Variants in PACRGL observed in about 807,000 individuals in gnomAD.
PACRGL encodes PACRG-like protein.
Under a neutral mutation model 34.5 loss-of-function variants are expected in PACRGL, and 38 were observed. The ratio of observed to expected loss-of-function variants is 1.10; its 90% CI spans 0.85 to 1.44. The LOEUF (loss-of-function observed/expected upper bound fraction) is 1.44. Ranked by LOEUF, PACRGL falls within the 40% of genes most tolerant of loss-of-function variation. The pLI, the probability that PACRGL is intolerant of heterozygous loss-of-function variation, is 0.00. For synonymous variants in PACRGL, 128 were observed against 100.1 expected, an observed-to-expected ratio of 1.28 and a Z score of -1.66; for missense variants, 305 against 281.4, an observed-to-expected ratio of 1.08 and a Z score of -0.60.
At chr4:20,704,279 T>C (rs773908619) in intron 1 of PACRGL, among the ~76,000 whole-genome samples, 187 bp from the exon 2 acceptor site, 17 of 152,314 alleles carry the variant, frequency 1.1e-4, no homozygotes, top group Non-Finnish European at 1.5e-4. Flanking sequence ...TTTGCTGTTA[T>C]TGATACTATT....
At chr4:20,749,924 A>G (rs1185160277) in intron 8 of PACRGL, among the ~76,000 whole-genome samples, 1 of 152,206 alleles carries the variant, frequency 6.6e-6, no homozygotes, top group Non-Finnish European at 1.5e-5. Context: ...AGCAACCTAC[A>G]TAGAGGCCAT....
At chr4:20,697,223 T>G (rs553640275), upstream of PACRGL, among the ~76,000 whole-genome samples, 37 of 152,192 alleles carry the variant, frequency 2.4e-4, no homozygotes, top group Non-Finnish European at 5.0e-4. Context: ...TTGTACAAAT[T>G]TCTTGTATCA....
chr4:20,702,522 G>T, intron 1 of PACRGL: 1 of 175,330 alleles, frequency 5.7e-6, no homozygotes, highest in Middle Eastern at 2.9e-3. Flanking sequence ...GGCCCTTACT[G>T]CATGCCTCCC....
the PACRGL span, among the ~76,000 whole-genome samples, chr4:20,758,431 G>A: frequency 2.0e-5 from 3 of 152,074 alleles, no homozygotes; most frequent in Non-Finnish European, 4.4e-5. Context: ...CCAATCCCCA[G>A]ATTTCATATC....
intron 3 of PACRGL, among the ~76,000 whole-genome samples, chr4:20,707,360 C>T (rs1236700203): frequency 6.6e-6 from 1 of 152,172 alleles, no homozygotes; most frequent in Non-Finnish European, 1.5e-5. Context: ...CTCCCTCCTG[C>T]CCAGCGCAAT....
intron 7 of PACRGL, among the ~76,000 whole-genome samples, chr4:20,719,274 A>C (rs1265053147): frequency 1.3e-5 from 2 of 152,172 alleles, no homozygotes; most frequent in African/African-American, 2.4e-5. Context: ...TTTTCAAAAA[A>C]ACCAGCTCCT....
At chr4:20,714,245 T>C (rs1452038801) in intron 7 of PACRGL, among the ~76,000 whole-genome samples, 8 of 152,232 alleles carry the variant, frequency 5.3e-5, no homozygotes, top group Non-Finnish European at 8.8e-5. Flanking sequence ...CCCTCTACCA[T>C]TATGTAATGG....
At chr4:20,752,287 G>A (rs1753796972) in intron 8 of PACRGL, among the ~76,000 whole-genome samples, 1 of 152,034 alleles carries the variant, frequency 6.6e-6, no homozygotes, top group South Asian at 2.1e-4. Context: ...TCGAACTCCT[G>A]ACAGCAGGTG....
downstream of PACRGL, chr4:20,732,908 G>C: frequency 1.6e-6 from 1 of 612,516 alleles, no homozygotes; most frequent in Non-Finnish European, 2.8e-6. Context: ...TGGATTCTTT[G>C]TTAGACGACT....
At chr4:20,736,953 CAG>C (rs1336977050), downstream of PACRGL, among the ~76,000 whole-genome samples, 3 of 152,146 alleles carry the variant, frequency 2.0e-5, no homozygotes, top group African/African-American at 7.2e-5. Context: ...GGCATAAAGA[CAG>C]ATATATAGAA....
downstream of PACRGL, among the ~76,000 whole-genome samples, chr4:20,737,025 T>A (rs1280793513): frequency 6.6e-6 from 1 of 152,238 alleles, no homozygotes; most frequent in Non-Finnish European, 1.5e-5. Flanking sequence ...TGATTTTCGA[T>A]AATGGTGCCA....
At chr4:20,739,158 C>A (rs970048298) in intron 8 of PACRGL, among the ~76,000 whole-genome samples, 1 of 152,196 alleles carries the variant, frequency 6.6e-6, no homozygotes, top group African/African-American at 2.4e-5. Context: ...CCTCTGGGGG[C>A]AGGTCATAGC....
At chr4:20,702,628 T>G (rs993293584) in intron 1 of PACRGL, 1 of 124,904 alleles carries the variant, frequency 8.0e-6, no homozygotes, top group Non-Finnish European at 1.7e-5. Flanking sequence ...TTGAGGAAAC[T>G]GATGCATTTT....
At chr4:20,758,362 T>C in the PACRGL span, among the ~76,000 whole-genome samples, 1 of 152,088 alleles carries the variant, frequency 6.6e-6, no homozygotes, top group Non-Finnish European at 1.5e-5. Flanking sequence ...AAAATCTAGG[T>C]TATAACCCAG....
At chr4:20,766,082 A>T in the PACRGL span, among the ~76,000 whole-genome samples, 1 of 152,196 alleles carries the variant, frequency 6.6e-6, no homozygotes, top group East Asian at 1.9e-4. Flanking sequence ...GCTAATACAC[A>T]TGAGCACTTT....
intron 8 of PACRGL, among the ~76,000 whole-genome samples, chr4:20,745,793 A>G (rs1002692107): frequency 5.9e-5 from 9 of 152,142 alleles, no homozygotes; most frequent in African/African-American, 1.2e-4. Context: ...GCTGGGGACA[A>G]TCCTCCTGAC....
chr4:20,745,862 A>AGTTT (rs1752310954), intron 8 of PACRGL, among the ~76,000 whole-genome samples: 1 of 152,122 alleles, frequency 6.6e-6, no homozygotes, highest in African/African-American at 2.4e-5. Flanking sequence ...ATTTGCATGT[A>AGTTT]GTTGCCTTAC....
At chr4:20,753,789 T>C (rs911751892), downstream of PACRGL, among the ~76,000 whole-genome samples, 5 of 152,208 alleles carry the variant, frequency 3.3e-5, no homozygotes, top group South Asian at 4.1e-4. Flanking sequence ...GGGTGAAGTC[T>C]TTTTTAAATT....
intron 8 of PACRGL, among the ~76,000 whole-genome samples, chr4:20,748,560 T>TTATATATATATATA (rs3075750): frequency 6.2e-5 from 4 of 64,910 alleles, no homozygotes; most frequent in Non-Finnish European, 1.2e-4. Context: ...CTTCCAAATT[T>TTATATATATATATA]TATATATATA....
Sources: gnomAD v4.1 joint callset for allele counts (sites outside exome capture counted in the v4.1 genomes callset) on GRCh38, gnomAD v4.1.1 for gene constraint, MANE v1.5 for transcripts, NCBI Gene and HGNC (gene_info 2026-07-23, HGNC 2026-07-21) for gene names.